EP400: variants seen among roughly 807,000 people sequenced by gnomAD.
EP400 encodes E1A binding protein p400.
A neutral mutation model predicts 354.1 loss-of-function variants in EP400; 105 were observed. The observed-to-expected ratio is 0.30, with a 90% CI of 0.25 to 0.35. EP400 has a LOEUF of 0.35. Among genes scored for constraint, EP400 ranks in the 10% least tolerant of loss-of-function variants. The probability of loss-of-function intolerance (pLI) is 1.00; values close to 1 mark genes in which losing one functional copy is unlikely to be tolerated. For synonymous variants in EP400, 1,646 were observed against 1,716.9 expected (o/e 0.96, Z 1.02); for missense variants, 3,280 against 4,121.0 (o/e 0.80, Z 5.59).
intron 5 of EP400, among the ~76,000 whole-genome samples, chr12:131,983,119 G>T (rs1892737698): frequency 6.6e-6 from 1 of 152,174 alleles, no homozygotes; most frequent in Non-Finnish European, 1.5e-5. Context: ...TCAGGTAGGT[G>T]GCAGCGACCC....
Position 132,050,195 on chromosome 12 carries a change from G to T in EP400, c.7201-128G>T. ...TGCCTGAACTTGGAAAGAAGGCCCAGGAAAAGGAAGTTTGTGTTCAGCCAT... is the reference window on the plus strand; with the variant it reads ...TGCCTGAACTTGGAAAGAAGGCCCATGAAAAGGAAGTTTGTGTTCAGCCAT... On this transcript the variant is annotated intron_variant, in intron 39 of 52. Transcript: ENST00000389561. The surrounding 1 kb of genome is among the most constrained non-coding windows in gnomAD (Gnocchi z 4.8). 8.3e-7 allele frequency: 1 copy of T among 1,208,202 alleles called. No homozygotes were observed. The allele number at this position is 1,208,202 out of a possible 1,614,324, so 74.8% of individuals were successfully genotyped here.
chr12:132,023,737 A>G, intron 23 of EP400, 40 bp from the exon 24 acceptor site: 1 of 1,600,094 alleles, frequency 6.2e-7, no homozygotes, highest in East Asian at 2.2e-5. Context: ...AATTTTTTCC[A>G]AAATGATCTG....
chr12:132,013,203 T>A lies in EP400; in HGVS notation c.3611+25T>A. ...GGTCTGTGTGTTACGCGCTTGTCATTGAGTGTTCTTTGCTGTTGATGTAGA... is the reference window on the plus strand; with the variant it reads ...GGTCTGTGTGTTACGCGCTTGTCATAGAGTGTTCTTTGCTGTTGATGTAGA... On this transcript the variant is annotated intron_variant, in intron 17 of 52. Transcript: ENST00000389561. The surrounding 1 kb of genome is among the most constrained non-coding windows in gnomAD (Gnocchi z 4.5). 6.3e-7 allele frequency: 1 copy of A among 1,587,942 alleles called. No homozygotes were observed. Among genetic ancestry groups the A allele is most frequent in the Non-Finnish European group, 8.6e-7 (1 of 1,162,826 alleles).
chr12:131,992,282 T>C, intron 11 of EP400, 52 bp downstream of exon 11: 1 of 1,547,204 alleles, frequency 6.5e-7, no homozygotes, highest in Non-Finnish European at 8.8e-7. Flanking sequence ...GCTGATGAGA[T>C]GACACAGAGC....
Position 132,052,847 on chromosome 12 carries a change from A to G in EP400, c.7395-299A>G, listed in dbSNP as rs1038079586. On this transcript the variant is annotated intron_variant, in intron 41 of 52. Coordinates refer to ENST00000389561, the MANE Select transcript of EP400 (RefSeq NM_015409.5). This position sits in a 1 kb window ranked among gnomAD's most constrained non-coding sequence, Gnocchi z 4.4. ...AGAGATTTTCCCAAGTACAGTGCAG[A>G]CACATGAGGTGGGCTGTGCGTTTGG... Among the ~76,000 whole-genome samples, 1 of 152,128 alleles carries G rather than the reference A, an allele frequency of 6.6e-6. No individual in the cohort carries two copies. The highest frequency in any genetic ancestry group is 1.5e-5 in the Non-Finnish European group (1 of 68,014).
intron 11 of EP400, among the ~76,000 whole-genome samples, chr12:131,993,072 G>C (rs2136506635): frequency 6.6e-6 from 1 of 152,322 alleles, no homozygotes; most frequent in East Asian, 1.9e-4. Flanking sequence ...GGAGCCTGAG[G>C]GCACATGGCC....
rs1894765823 is a variant in EP400, at chr12:132,037,803, A to C, written c.6063+10A>C. ...GGCTTTCTTAACTCAGGTACTCCTT[A>C]TTCAATGAGAGGCCTGAGGTGAGAC... On this transcript the variant is annotated intron_variant, in intron 31 of 52. Coordinates refer to ENST00000389561, the MANE Select transcript of EP400 (RefSeq NM_015409.5). 1 of 1,613,610 alleles carries C rather than the reference A, an allele frequency of 6.2e-7. No homozygotes were observed. The highest frequency in any genetic ancestry group is 1.3e-5 in the African/African-American group (1 of 74,922).
intron 1 of EP400, among the ~76,000 whole-genome samples, chr12:131,950,365 G>C (rs1378187240): frequency 6.6e-6 from 1 of 152,116 alleles, no homozygotes; most frequent in African/African-American, 2.4e-5. Flanking sequence ...CGGGAACCGG[G>C]GGACTCCGGC....
chr12:132,007,105 C>T (rs1893609313), intron 15 of EP400, among the ~76,000 whole-genome samples: 1 of 152,200 alleles, frequency 6.6e-6, no homozygotes, highest in African/African-American at 2.4e-5. Flanking sequence ...AATACAGAGA[C>T]TCGTCAGGCT....
At chr12:132,014,293 G>A (rs1301172701) in intron 19 of EP400, among the ~76,000 whole-genome samples, 1 of 152,210 alleles carries the variant, frequency 6.6e-6, no homozygotes, top group Non-Finnish European at 1.5e-5. Context: ...GACTTGGGTC[G>A]GCTGTGGCCC....
chr12:132,011,268 G>A (rs1893754696), intron 15 of EP400, among the ~76,000 whole-genome samples: 1 of 152,208 alleles, frequency 6.6e-6, no homozygotes, highest in Non-Finnish European at 1.5e-5. Flanking sequence ...GGCCTCCTCT[G>A]GTGCAGGCTT....
intron 2 of EP400, among the ~76,000 whole-genome samples, chr12:131,977,317 T>A (rs1419658054): frequency 5.9e-5 from 9 of 151,514 alleles, no homozygotes; most frequent in South Asian, 2.1e-4. Context: ...TTTTTTTTTT[T>A]TGTATTTTTA....
chr12:131,952,358 G>A (rs1053820785), intron 1 of EP400, among the ~76,000 whole-genome samples: 5 of 151,134 alleles, frequency 3.3e-5, no homozygotes, highest in Non-Finnish European at 7.4e-5. Context: ...ATGTTGGCCA[G>A]GCTGGTCTCA....
Position 131,990,283 on chromosome 12 carries a change from G to A in EP400, c.2550+179G>A, listed in dbSNP as rs371971146. 1.3e-5 allele frequency among the ~76,000 whole-genome samples: 2 copies of A among 152,266 alleles called. No homozygotes were observed. Among genetic ancestry groups the A allele is most frequent in the South Asian group, 2.1e-4 (1 of 4,812 alleles). On this transcript the variant is annotated intron_variant, in intron 8 of 52. Transcript: ENST00000389561. The surrounding 1 kb of genome is among the most constrained non-coding windows in gnomAD (Gnocchi z 4.2). ...CTTTGAATGAGCTGCTCGTGCCTCC[G>A]TCTGTCTTGCACAGGGGATGCACCT... is the stretch of plus-strand genomic sequence containing the variant.
In EP400 at chr12:131,990,628, G is replaced by T; in HGVS notation, c.2551-8G>T. The T allele has an allele frequency of 6.3e-7, 1 of 1,593,986 alleles. No homozygotes were observed. The highest frequency in any genetic ancestry group is 1.1e-5 in the South Asian group (1 of 89,488). On this transcript the variant is annotated splice_region_variant and splice_polypyrimidine_tract_variant and intron_variant, in intron 8 of 52. Transcript: ENST00000389561. This position sits in a 1 kb window ranked among gnomAD's most constrained non-coding sequence, Gnocchi z 4.2. ...AATGTGCTTATTCATTTAATCCTTT[G>T]CATTTAGGTTGTGGAAATAAAACTA...
chr12:132,009,069 G>A (rs1252312613), intron 15 of EP400, among the ~76,000 whole-genome samples: 1 of 147,560 alleles, frequency 6.8e-6, no homozygotes, highest in Non-Finnish European at 1.5e-5. Flanking sequence ...GAGGTGGGAG[G>A]ATCACTGTAA....
chr12:132,036,262 G>A (rs923504880), intron 30 of EP400, among the ~76,000 whole-genome samples: 3 of 138,824 alleles, frequency 2.2e-5, no homozygotes, highest in Non-Finnish European at 3.1e-5. Context: ...CACACGGAAC[G>A]TCGTGGGAAG....
rs555822667 is a variant in EP400, at chr12:131,982,831, G to A, written c.1929+353G>A. 4.6e-5 allele frequency among the ~76,000 whole-genome samples: 7 copies of A among 152,140 alleles called. No homozygotes were observed. In the South Asian group the frequency reaches 8.3e-4, roughly 18 times the overall value. ...CTAAAAATACAAAAATTAGCCAGGC[G>A]TGGTGGCAAGTGCCTGTAGTCCAAG... On this transcript the variant is annotated intron_variant, in intron 5 of 52. Transcript: ENST00000389561.
intron 48 of EP400, 82 bp from the exon 49 acceptor site, chr12:132,066,692 A>G: frequency 7.1e-7 from 1 of 1,408,678 alleles, no homozygotes; most frequent in Admixed American, 2.4e-5. Flanking sequence ...TTCTCATGGC[A>G]TGACCTCTTG....
Sources: allele counts gnomAD v4.1 joint callset (sites outside exome capture counted in the v4.1 genomes callset), GRCh38; gene constraint gnomAD v4.1.1; non-coding constraint Gnocchi (gnomAD v3.1); transcripts MANE v1.5; gene names NCBI Gene and HGNC (gene_info 2026-07-23, HGNC 2026-07-21).